Variants in ACTN4 observed in about 807,000 individuals in gnomAD.
ACTN4 encodes actinin alpha 4, also known as alpha-actinin-4.
Under a neutral mutation model 114.2 loss-of-function variants are expected in ACTN4, and 18 were observed. That is an observed-to-expected ratio of 0.16 (90% CI 0.11 to 0.23). The LOEUF (loss-of-function observed/expected upper bound fraction) is 0.23, where lower values mean the gene tolerates loss of function less well. Ranked by LOEUF, ACTN4 falls within the 10% of genes least tolerant of loss-of-function variation. The pLI is 1.00. For missense variants in ACTN4, 722 were observed against 1,262.9 expected (o/e 0.57, Z 6.49); for synonymous variants, 515 against 506.3 (o/e 1.02, Z -0.23).
intron 1 of ACTN4, among the ~76,000 whole-genome samples, chr19:38,684,437 C>CCCCA (rs1408903753): frequency 2.1e-4 from 32 of 152,268 alleles, no homozygotes; most frequent in African/African-American, 7.5e-4. Context: ...CACCCTGGTC[C>CCCCA]CCCACCCCCT....
intron 4 of ACTN4, among the ~76,000 whole-genome samples, chr19:38,705,810 C>T (rs957260700): frequency 2.0e-5 from 3 of 152,130 alleles, no homozygotes; most frequent in African/African-American, 7.2e-5. Context: ...TCCTCGGGGC[C>T]GTGAGGATTA....
At chr19:38,671,701 C>G (rs973890932) in intron 1 of ACTN4, among the ~76,000 whole-genome samples, 2 of 152,058 alleles carry the variant, frequency 1.3e-5, no homozygotes, top group African/African-American at 4.8e-5. Flanking sequence ...GCCATTTTTT[C>G]CTAAACTCTA....
At chr19:38,714,689 A>G (rs889868642) in intron 9 of ACTN4, 128 bp downstream of exon 9, 9 of 992,304 alleles carry the variant, frequency 9.1e-6, no homozygotes, top group Non-Finnish European at 1.2e-5. Flanking sequence ...GTCACAGACC[A>G]TGGCATTTAG....
intron 1 of ACTN4, among the ~76,000 whole-genome samples, chr19:38,688,013 G>A (rs78400579): frequency 2.2e-4 from 30 of 137,214 alleles, no homozygotes; most frequent in South Asian, 9.9e-4. Flanking sequence ...AAAGGTGTTC[G>A]ATGTCATTAC....
At chr19:38,671,157 A>T (rs1273927347) in intron 1 of ACTN4, among the ~76,000 whole-genome samples, 1 of 152,114 alleles carries the variant, frequency 6.6e-6, no homozygotes, top group Non-Finnish European at 1.5e-5. Context: ...GGATGGTAGT[A>T]AAAAGGGTTT....
chr19:38,725,680 C>T (rs769747371), intron 16 of ACTN4, 44 bp from the exon 17 acceptor site: 132 of 1,598,388 alleles, frequency 8.3e-5, no homozygotes, highest in Non-Finnish European at 1.0e-4. Flanking sequence ...TCAGTGGGGG[C>T]AGGCCCACCA....
intron 1 of ACTN4, among the ~76,000 whole-genome samples, chr19:38,665,372 A>G (rs1254225256): frequency 1.3e-5 from 2 of 152,184 alleles, no homozygotes; most frequent in East Asian, 3.9e-4. Flanking sequence ...ATTAGACGTG[A>G]TAGTGCGCAG....
intron 1 of ACTN4, among the ~76,000 whole-genome samples, chr19:38,673,036 G>A (rs1254028220): frequency 6.7e-6 from 1 of 149,404 alleles, no homozygotes; most frequent in Non-Finnish European, 1.5e-5. Context: ...TCTGCCTCCT[G>A]GGTTCAAGCG....
intron 3 of ACTN4, among the ~76,000 whole-genome samples, chr19:38,704,694 CT>C (rs1968398201): frequency 6.6e-6 from 1 of 152,196 alleles, no homozygotes; most frequent in Non-Finnish European, 1.5e-5. Context: ...GCCAGGGACC[CT>C]TGTGGCCAGA....
At chr19:38,650,945 C>T (rs1187936022) in intron 1 of ACTN4, among the ~76,000 whole-genome samples, 2 of 152,160 alleles carry the variant, frequency 1.3e-5, no homozygotes, top group African/African-American at 4.8e-5. Context: ...GTTGGTCGGG[C>T]TGGTCTCAAA....
At position 38,729,597 on chromosome 19, in the gene ACTN4, T is replaced by A; in HGVS notation, c.*165T>A. ...TGGGGCAGGCTCTCTCCTCTCTCTC[T>A]TTGTGGGTTGGCCAGGAGGTTCCCC... On this transcript the variant is annotated 3_prime_UTR_variant, in exon 21 of 21. Transcript: ENST00000252699. 1 of 1,042,168 alleles carries A rather than the reference T, an allele frequency of 9.6e-7. No individual in the cohort carries two copies. Among genetic ancestry groups the A allele is most frequent in the Non-Finnish European group, 1.4e-6 (1 of 697,518 alleles). The allele number at this position is 1,042,168 out of a possible 1,614,324, so 64.6% of individuals were successfully genotyped here. A position where few individuals can be genotyped will look rare whatever the true frequency, so the allele number is the denominator to read the frequency against.
chr19:38,669,495 G>T (rs939555547), intron 1 of ACTN4, among the ~76,000 whole-genome samples: 57 of 152,308 alleles, frequency 3.7e-4, no homozygotes, highest in African/African-American at 1.3e-3. Context: ...CTGGGTAGGG[G>T]ACTAGTCTTG....
intron 1 of ACTN4, among the ~76,000 whole-genome samples, chr19:38,675,688 C>G (rs1967351683): frequency 6.6e-6 from 1 of 152,196 alleles, no homozygotes. Context: ...TGGTGAGGTG[C>G]TGAGCAGAGG....
At chr19:38,668,742 A>G (rs1181069189) in intron 1 of ACTN4, among the ~76,000 whole-genome samples, 1 of 125,962 alleles carries the variant, frequency 7.9e-6, no homozygotes, top group Non-Finnish European at 1.9e-5. Context: ...ATGGAAGTGA[A>G]CAGTGTTAGG....
rs1235446923 is a variant in ACTN4 at position 38,729,664 on chromosome 19, G to T, written c.*232G>T. 1 of 706,112 alleles carries T rather than the reference G, an allele frequency of 1.4e-6. No homozygotes were observed. The highest frequency in any genetic ancestry group is 1.7e-5 in the African/African-American group (1 of 57,276). 43.7% of individuals were successfully genotyped at this position (706,112 alleles called of 1,614,324 possible). A position where few individuals can be genotyped will look rare whatever the true frequency, so the allele number is the denominator to read the frequency against. ...ACTTGGGGCCAGCGCTTCTGGTCTG[G>T]TAAATATGTATGATGTGTTGTGCTT... On this transcript the variant is annotated 3_prime_UTR_variant, in exon 21 of 21. Coordinates refer to ENST00000252699, the MANE Select transcript of ACTN4 (RefSeq NM_004924.6).
chr19:38,709,367 C>G, intron 6 of ACTN4, 28 bp from the exon 7 acceptor site: 1 of 1,574,244 alleles, frequency 6.4e-7, no homozygotes, highest in Non-Finnish European at 8.7e-7. Context: ...TGACGGAGTT[C>G]TTGTTGTCCC....
At chr19:38,691,562 G>T (rs377077588) in intron 1 of ACTN4, among the ~76,000 whole-genome samples, 1 of 152,012 alleles carries the variant, frequency 6.6e-6, no homozygotes, top group South Asian at 2.1e-4. Context: ...AGAGCTAGAC[G>T]AAAGTCTTAG....
chr19:38,708,129 T>C lies in ACTN4; in HGVS notation c.585T>C (p.Gly195=). ...VQNFHISWKD[G]LAFNALIHRH... ...TTTCCTTCCCCAGCTGGAAGGATGGTCTTGCCTTCAATGCCCTGATCCACC... is the reference window on the plus strand; with the variant it reads ...TTTCCTTCCCCAGCTGGAAGGATGGCCTTGCCTTCAATGCCCTGATCCACC... The change falls in exon 6 of 21, where the codon GGT becomes GGC. Residue 195 remains glycine (G), a synonymous_variant. Transcript: ENST00000252699. 6.2e-7 allele frequency: 1 copy of C among 1,614,192 alleles called. No individual in the cohort carries two copies. Among genetic ancestry groups the C allele is most frequent in the Non-Finnish European group, 8.5e-7 (1 of 1,180,028 alleles).
chr19:38,730,450 C>CTGAT lies in ACTN4; in HGVS notation c.*1024_*1027dup, dbSNP rs151276707. The CTGAT allele has an allele frequency of 3.4e-3, 687 of 204,738 alleles. 7 individuals carry two copies. Among genetic ancestry groups the CTGAT allele is most frequent in the African/African-American group, 9.3e-3 (397 of 42,566 alleles). 12.7% of individuals were successfully genotyped at this position (204,738 alleles called of 1,614,324 possible). A position where few individuals can be genotyped will look rare whatever the true frequency, so the allele number is the denominator to read the frequency against. On this transcript the variant is annotated 3_prime_UTR_variant, in exon 21 of 21. Coordinates refer to ENST00000252699, the MANE Select transcript of ACTN4 (RefSeq NM_004924.6). ...CCTACCTTTTTTTTTTGAGTTTATT[C>CTGAT]TGATTGATTTTTTTTCTTGGTTTCT... is the stretch of plus-strand genomic sequence containing the variant.
Sources: allele counts gnomAD v4.1 joint callset (sites outside exome capture counted in the v4.1 genomes callset), GRCh38; gene constraint gnomAD v4.1.1; transcripts MANE v1.5; gene names NCBI Gene and HGNC (gene_info 2026-07-23, HGNC 2026-07-21).